SLCO3A1: variants seen among roughly 807,000 people sequenced by gnomAD.
The protein encoded by SLCO3A1 is PGE1 transporter.
SLCO3A1 carries 27 observed loss-of-function variants against 63.1 expected under a neutral mutation model. The observed-to-expected ratio is 0.43, with a 90% confidence interval of 0.32 to 0.59. The LOEUF (loss-of-function observed/expected upper bound fraction) is 0.59, where lower values mean the gene tolerates loss of function less well. Ranked by LOEUF, SLCO3A1 falls within the 20% of genes least tolerant of loss-of-function variation. SLCO3A1 has a pLI of 0.09. For synonymous variants in SLCO3A1, 473 were observed against 409.9 expected, an observed-to-expected ratio of 1.15 and a Z score of -1.86; for missense variants, 773 against 945.8, an observed-to-expected ratio of 0.82 and a Z score of 2.40.
At chr15:91,921,519 C>T (rs991477879) in intron 2 of SLCO3A1, among the ~76,000 whole-genome samples, 1 of 152,080 alleles carries the variant, frequency 6.6e-6, no homozygotes, top group Admixed American at 6.5e-5. Flanking sequence ...ATTTTTCTCT[C>T]TAAGTACTTG....
chr15:92,120,415 G>C, intron 4 of SLCO3A1, 50 bp from the exon 5 acceptor site: 1 of 1,580,818 alleles, frequency 6.3e-7, no homozygotes, highest in Non-Finnish European at 8.7e-7. Flanking sequence ...TAAGATGGGA[G>C]CACAGGGTGT....
At position 92,171,936 on chromosome 15, in the gene SLCO3A1, G is replaced by A. The variant is rs144148858; in HGVS notation, c.*74G>A. On this transcript the variant is annotated 3_prime_UTR_variant, in exon 11 of 11. Coordinates refer to the SLCO3A1 transcript ENST00000424469. ...ACAGACCTCGCGGGCCTCACTTAGC[G>A]CGCTCCTCCCTGTCCGAGAACCCGA... 1.8e-3 allele frequency: 2,055 copies of A among 1,155,288 alleles called. 9 individuals carry two copies. The highest frequency in any genetic ancestry group is 2.5e-3 in the South Asian group (188 of 76,026). 71.6% of individuals were successfully genotyped at this position (1,155,288 alleles called of 1,614,324 possible).
chr15:91,953,372 A>T (rs2151413419), intron 2 of SLCO3A1, among the ~76,000 whole-genome samples: 1 of 152,268 alleles, frequency 6.6e-6, no homozygotes, highest in South Asian at 2.1e-4. Flanking sequence ...CTCCCAGGAG[A>T]CACAGGCAGT....
At chr15:92,161,266 C>T (rs1422445888) in intron 9 of SLCO3A1, among the ~76,000 whole-genome samples, 9 of 152,190 alleles carry the variant, frequency 5.9e-5, no homozygotes, top group Non-Finnish European at 1.0e-4. Flanking sequence ...ACAGATGACA[C>T]TCTCCCCCTT....
chr15:92,050,203 G>T (rs1046139363), intron 2 of SLCO3A1, among the ~76,000 whole-genome samples: 1 of 152,220 alleles, frequency 6.6e-6, no homozygotes, highest in Non-Finnish European at 1.5e-5. Context: ...CTTCGAAGGT[G>T]TTAGCACCTG....
chr15:92,090,069 T>G (rs1420882354), intron 2 of SLCO3A1, among the ~76,000 whole-genome samples: 2 of 152,238 alleles, frequency 1.3e-5, no homozygotes, highest in African/African-American at 4.8e-5. Context: ...AATCGCTTAC[T>G]AATGGGATGT....
intron 1 of SLCO3A1, among the ~76,000 whole-genome samples, chr15:91,911,381 C>G (rs1773234822): frequency 6.6e-6 from 1 of 152,102 alleles, no homozygotes; most frequent in Non-Finnish European, 1.5e-5. Flanking sequence ...CACCAGGTAG[C>G]TTGTTAGAAA....
intron 2 of SLCO3A1, among the ~76,000 whole-genome samples, chr15:91,993,266 T>G (rs1347300883): frequency 6.6e-6 from 1 of 152,246 alleles, no homozygotes; most frequent in Non-Finnish European, 1.5e-5. Context: ...TGTCTTTGTT[T>G]TGAGCCTTCC....
intron 9 of SLCO3A1, among the ~76,000 whole-genome samples, chr15:92,152,860 G>A (rs1320510474): frequency 6.6e-6 from 1 of 152,198 alleles, no homozygotes; most frequent in Non-Finnish European, 1.5e-5. Flanking sequence ...GGGAAGGTAA[G>A]AGCCCACCCT....
Position 92,146,971 on chromosome 15 carries a change from G to C in SLCO3A1, c.1513-13G>C. 3.1e-6 allele frequency: 5 copies of C among 1,599,878 alleles called. No individual in the cohort carries two copies. The highest frequency in any genetic ancestry group is 3.4e-4 in the Middle Eastern group (2 of 5,970). On this transcript the variant is annotated splice_polypyrimidine_tract_variant and intron_variant, in intron 7 of 9. Coordinates refer to ENST00000318445, the MANE Select transcript of SLCO3A1 (RefSeq NM_013272.4). ...GTACCCCCAGATAAAAGGGCTGAAC[G>C]CTTCCCTTTCAGAATCTCACGGGCT...
At chr15:92,155,530 G>A (rs754600979) in intron 9 of SLCO3A1, among the ~76,000 whole-genome samples, 4 of 152,158 alleles carry the variant, frequency 2.6e-5, no homozygotes, top group Non-Finnish European at 5.9e-5. Context: ...TGGAGCAAAT[G>A]GGGGTTTCAG....
At chr15:92,040,220 A>G (rs34447448) in intron 2 of SLCO3A1, among the ~76,000 whole-genome samples, 2,017 of 152,316 alleles carry the variant, frequency 0.013, 27 homozygotes, top group Non-Finnish European at 0.02. Context: ...AAAAAATTAA[A>G]AAAATAAAGG....
At chr15:91,979,535 C>A (rs1279168097) in intron 2 of SLCO3A1, among the ~76,000 whole-genome samples, 1 of 152,160 alleles carries the variant, frequency 6.6e-6, no homozygotes, top group Admixed American at 6.5e-5. Context: ...CTTCTTTCTA[C>A]CTCTTCCCTA....
intron 2 of SLCO3A1, among the ~76,000 whole-genome samples, chr15:92,026,092 A>G (rs2046570553): frequency 6.6e-6 from 1 of 152,150 alleles, no homozygotes; most frequent in Non-Finnish European, 1.5e-5. Context: ...TTTACCCTGC[A>G]CGTGTCCAAG....
At chr15:91,928,278 TACAG>T (rs1899102303) in intron 2 of SLCO3A1, among the ~76,000 whole-genome samples, 1 of 152,210 alleles carries the variant, frequency 6.6e-6, no homozygotes, top group Non-Finnish European at 1.5e-5. Context: ...TGTTATGACA[TACAG>T]ACAACCAGTA....
chr15:92,128,280 G>T, intron 6 of SLCO3A1, 71 bp from the exon 7 acceptor site: 1 of 1,585,374 alleles, frequency 6.3e-7, no homozygotes, highest in Non-Finnish European at 8.6e-7. Flanking sequence ...GAGGCAAAAG[G>T]CTGTCACTGG....
intron 2 of SLCO3A1, among the ~76,000 whole-genome samples, chr15:91,994,149 T>C (rs72755629): frequency 0.037 from 5,632 of 152,286 alleles, 160 homozygotes; most frequent in Non-Finnish European, 0.05. Flanking sequence ...ATCTATTATG[T>C]AGCAATACAT....
Position 92,120,062 on chromosome 15 carries a change from CTTTAT to C in SLCO3A1, c.1010-397_1010-393del, listed in dbSNP as rs1201337829. On this transcript the variant is annotated intron_variant, in intron 4 of 9. Coordinates refer to ENST00000318445, the MANE Select transcript of SLCO3A1 (RefSeq NM_013272.4). The stretch of plus-strand genomic sequence containing the variant: ...ATACTTAAATATATTGATATTTATA[CTTTAT>C]TTTATATAAACACACACACACACAC... Among the ~76,000 whole-genome samples, 4 of 151,370 alleles carry C rather than the reference CTTTAT, an allele frequency of 2.6e-5. No individual in the cohort carries two copies. In the South Asian group the frequency reaches 6.3e-4, roughly 24 times the overall value.
chr15:91,854,355 G>A lies in SLCO3A1; in HGVS notation c.180+267G>A. On this transcript the variant is annotated intron_variant, in intron 1 of 9. Coordinates refer to ENST00000318445, the MANE Select transcript of SLCO3A1 (RefSeq NM_013272.4). This position sits in a 1 kb window ranked among gnomAD's most constrained non-coding sequence, Gnocchi z 6.4. ...CAGGGGGTGCCGGGGGAGGAGAGGC[G>A]GCGGGCAGGTGGGCGTGAAACTATT... 9.0e-7 allele frequency: 1 copy of A among 1,105,480 alleles called. No individual in the cohort carries two copies. Among genetic ancestry groups the A allele is most frequent in the Non-Finnish European group, 1.1e-6 (1 of 906,100 alleles). The allele number at this position is 1,105,480 out of a possible 1,614,324, so 68.5% of individuals were successfully genotyped here.
Sources: gnomAD v4.1 joint callset for allele counts (sites outside exome capture counted in the v4.1 genomes callset) on GRCh38, gnomAD v4.1.1 for gene constraint, Gnocchi (gnomAD v3.1) non-coding constraint, MANE v1.5 for transcripts, NCBI Gene and HGNC (gene_info 2026-07-23, HGNC 2026-07-21) for gene names.